IQCM: variants seen among roughly 807,000 people sequenced by gnomAD.
IQCM encodes the protein IQ motif containing M.
In IQCM, 45 loss-of-function variants were observed where a neutral mutation model predicts 57.6. The observed-to-expected ratio is 0.78, with a 90% CI of 0.62 to 1.00. IQCM has a LOEUF of 1.00. Among genes scored for constraint, IQCM ranks in the 50% least tolerant of loss-of-function variants. The pLI, the probability that IQCM is intolerant of heterozygous loss-of-function variation, is 0.00. For missense variants in IQCM, 468 were observed against 511.6 expected (o/e 0.91, Z 0.82); for synonymous variants, 148 against 158.9 (o/e 0.93, Z 0.51).
At chr4:149,375,674 T>C (rs1730661576) in intron 13 of IQCM, among the ~76,000 whole-genome samples, 1 of 152,224 alleles carries the variant, frequency 6.6e-6, no homozygotes, top group Non-Finnish European at 1.5e-5. Flanking sequence ...TTATCATTGC[T>C]ATTTTCTTGC....
intron 12 of IQCM, among the ~76,000 whole-genome samples, chr4:149,531,387 CA>C (rs1746732804): frequency 6.6e-6 from 1 of 152,076 alleles, no homozygotes; most frequent in African/African-American, 2.4e-5. Context: ...CTGTATGTTT[CA>C]ACCTAAAAAA....
chr4:149,455,779 A>G (rs560466694), intron 12 of IQCM, among the ~76,000 whole-genome samples: 103 of 152,030 alleles, frequency 6.8e-4, no homozygotes, highest in Non-Finnish European at 1.3e-3. Flanking sequence ...CACCTTGGAC[A>G]AAATAGCGAG....
intron 7 of IQCM, among the ~76,000 whole-genome samples, chr4:149,626,631 A>C (rs924855618): frequency 2.7e-5 from 4 of 146,576 alleles, no homozygotes; most frequent in African/African-American, 9.7e-5. Context: ...TGAAGCTAAT[A>C]GTAGATAAAA....
At chr4:149,416,785 C>A (rs1298897931) in intron 13 of IQCM, among the ~76,000 whole-genome samples, 1 of 152,032 alleles carries the variant, frequency 6.6e-6, no homozygotes, top group Non-Finnish European at 1.5e-5. Context: ...GAATACAGAC[C>A]AGGTGGGCAA....
chr4:149,557,547 A>G lies in IQCM; in HGVS notation c.949-4260T>C, dbSNP rs548841851. Among the ~76,000 whole-genome samples, 14 of 152,194 alleles carry G rather than the reference A, an allele frequency of 9.2e-5. No individual in the cohort carries two copies. The Middle Eastern group carries it at 0.014, about 148-fold the overall frequency. ...AAGGCATCTCTCTGCCATTTTCTGTATTACCTCAATCTCCTCGAACATTCA... is the reference window on the plus strand; with the variant it reads ...AAGGCATCTCTCTGCCATTTTCTGTGTTACCTCAATCTCCTCGAACATTCA... On this transcript the variant is annotated intron_variant, in intron 10 of 13. Transcript: ENST00000636793.
At chr4:149,505,609 C>T (rs1489918592) in intron 12 of IQCM, among the ~76,000 whole-genome samples, 7 of 152,162 alleles carry the variant, frequency 4.6e-5, no homozygotes, top group Admixed American at 3.9e-4. Context: ...GAGATAATCA[C>T]CAGAAACAGT....
chr4:149,481,062 G>C (rs942535903), intron 12 of IQCM, among the ~76,000 whole-genome samples: 1 of 152,112 alleles, frequency 6.6e-6, no homozygotes, highest in Non-Finnish European at 1.5e-5. Flanking sequence ...CTTCTTTGGA[G>C]AAATGGCTAT....
chr4:149,384,818 CCT>C (rs1731306811), intron 13 of IQCM, among the ~76,000 whole-genome samples: 1 of 150,500 alleles, frequency 6.6e-6, no homozygotes, highest in South Asian at 2.1e-4. Context: ...AAATGTTTTT[CCT>C]CTCTTTTGAC....
chr4:149,547,980 G>A (rs768455143), intron 12 of IQCM, among the ~76,000 whole-genome samples: 21 of 151,998 alleles, frequency 1.4e-4, no homozygotes, highest in Non-Finnish European at 2.8e-4. Context: ...TATTTTTCAT[G>A]TATTATTCAG....
intron 7 of IQCM, among the ~76,000 whole-genome samples, chr4:149,650,426 T>G (rs1486249453): frequency 6.8e-6 from 1 of 146,068 alleles, no homozygotes; most frequent in Admixed American, 6.9e-5. Flanking sequence ...TTTTTTTGAC[T>G]CTGTCACCCA....
chr4:149,615,137 T>G (rs1755673234), intron 8 of IQCM, among the ~76,000 whole-genome samples: 1 of 152,164 alleles, frequency 6.6e-6, no homozygotes. Flanking sequence ...AGATGTTGTT[T>G]TTTTTTCAGC....
intron 12 of IQCM, among the ~76,000 whole-genome samples, chr4:149,498,380 T>C (rs1742888110): frequency 1.3e-5 from 2 of 152,158 alleles, no homozygotes; most frequent in Admixed American, 1.3e-4. Flanking sequence ...TGGTGGGACC[T>C]GCCATCACTT....
At chr4:149,740,540 A>C (rs1462694998) in intron 3 of IQCM, among the ~76,000 whole-genome samples, 1 of 152,112 alleles carries the variant, frequency 6.6e-6, no homozygotes, top group Non-Finnish European at 1.5e-5. Flanking sequence ...AAAAAGATAA[A>C]GCTTTACACT....
At chr4:149,684,069 T>A (rs767157757) in intron 6 of IQCM, among the ~76,000 whole-genome samples, 3 of 151,300 alleles carry the variant, frequency 2.0e-5, no homozygotes, top group African/African-American at 7.3e-5. Context: ...AACTAAAAAT[T>A]AGCACTAGTA....
At chr4:149,696,868 A>G (rs1266919674) in intron 5 of IQCM, among the ~76,000 whole-genome samples, 1 of 152,158 alleles carries the variant, frequency 6.6e-6, no homozygotes, top group Non-Finnish European at 1.5e-5. Context: ...ATCTTCCATT[A>G]GCCAAAACAA....
intron 12 of IQCM, among the ~76,000 whole-genome samples, chr4:149,485,730 G>A (rs1469229074): frequency 6.6e-6 from 1 of 151,906 alleles, no homozygotes; most frequent in Non-Finnish European, 1.5e-5. Flanking sequence ...TAGTTTATTT[G>A]GCAAGGCCAT....
At chr4:149,761,332 T>A (rs1769493765) in intron 2 of IQCM, among the ~76,000 whole-genome samples, 1 of 152,128 alleles carries the variant, frequency 6.6e-6, no homozygotes, top group African/African-American at 2.4e-5. Context: ...AAAGTCCCCA[T>A]GTCCTTACTG....
At chr4:149,709,640 C>T (rs1764413403) in intron 5 of IQCM, among the ~76,000 whole-genome samples, 1 of 152,076 alleles carries the variant, frequency 6.6e-6, no homozygotes, top group African/African-American at 2.4e-5. Context: ...GAGAACCAGA[C>T]CTTGGTGTTT....
chr4:149,491,967 T>C (rs1469694300), intron 12 of IQCM, among the ~76,000 whole-genome samples: 1 of 152,132 alleles, frequency 6.6e-6, no homozygotes, highest in African/African-American at 2.4e-5. Flanking sequence ...TGTAAGCTGA[T>C]ATCATTGTGG....
Sources: gnomAD v4.1 joint callset for allele counts (sites outside exome capture counted in the v4.1 genomes callset) on GRCh38, gnomAD v4.1.1 for gene constraint, MANE v1.5 for transcripts, NCBI Gene and HGNC (gene_info 2026-07-23, HGNC 2026-07-21) for gene names.